Variants in FRMD4A observed in about 807,000 individuals in gnomAD.
The protein encoded by FRMD4A is FERM domain-containing protein 4A.
A neutral mutation model predicts 129.1 loss-of-function variants in FRMD4A; 29 were observed. The ratio of observed to expected loss-of-function variants is 0.22; its 90% CI spans 0.17 to 0.31. The LOEUF (loss-of-function observed/expected upper bound fraction) is 0.31. Ranked by LOEUF, FRMD4A falls within the 10% of genes least tolerant of loss-of-function variation. The probability of loss-of-function intolerance (pLI) is 1.00; values close to 1 mark genes in which losing one functional copy is unlikely to be tolerated. For synonymous variants in FRMD4A, 634 were observed against 571.6 expected (o/e 1.11, Z -1.56); for missense variants, 1,272 against 1,375.8 (o/e 0.92, Z 1.19).
intron 15 of FRMD4A, among the ~76,000 whole-genome samples, chr10:13,689,545 G>A (rs1002000676): frequency 1.2e-4 from 14 of 116,490 alleles, no homozygotes; most frequent in African/African-American, 4.9e-4. Context: ...TAGATTAGAA[G>A]ATTCTTTTTT....
intron 2 of FRMD4A, among the ~76,000 whole-genome samples, chr10:14,196,595 T>C (rs1842478770): frequency 6.6e-6 from 1 of 152,260 alleles, no homozygotes; most frequent in Non-Finnish European, 1.5e-5. Context: ...ACTTTCTACA[T>C]AATTCCTAGA....
At chr10:14,073,839 C>T (rs939644163) in intron 2 of FRMD4A, among the ~76,000 whole-genome samples, 29 of 152,052 alleles carry the variant, frequency 1.9e-4, no homozygotes, top group African/African-American at 2.7e-4. Context: ...TTGCATAGGG[C>T]GGTGGCTCAT....
intron 14 of FRMD4A, 65 bp from the exon 15 acceptor site, chr10:13,694,104 TCGCCCG>T: frequency 7.3e-7 from 1 of 1,371,110 alleles, no homozygotes; most frequent in South Asian, 1.5e-5. Context: ...CAGTCATCCC[TCGCCCG>T]CGCCTGCTCA....
intron 2 of FRMD4A, among the ~76,000 whole-genome samples, chr10:14,025,527 T>C (rs1832949988): frequency 6.6e-6 from 1 of 152,214 alleles, no homozygotes; most frequent in South Asian, 2.1e-4. Flanking sequence ...GTGTTTCTTA[T>C]TTAAGGCAGT....
chr10:14,150,959 C>T (rs1213221643), intron 2 of FRMD4A, among the ~76,000 whole-genome samples: 2 of 152,174 alleles, frequency 1.3e-5, no homozygotes, highest in African/African-American at 4.8e-5. Flanking sequence ...AGTTTAGCAT[C>T]ATATCTAATA....
At chr10:14,274,955 C>T (rs768821185) in intron 2 of FRMD4A, among the ~76,000 whole-genome samples, 12 of 152,184 alleles carry the variant, frequency 7.9e-5, no homozygotes, top group African/African-American at 1.2e-4. Flanking sequence ...AGTCTTCACA[C>T]GGAAATTTCA....
At chr10:13,979,757 T>A (rs1226121143) in intron 2 of FRMD4A, among the ~76,000 whole-genome samples, 1 of 152,118 alleles carries the variant, frequency 6.6e-6, no homozygotes, top group Admixed American at 6.6e-5. Flanking sequence ...TTTTAAAAAA[T>A]CTCTAGCGTC....
intron 2 of FRMD4A, among the ~76,000 whole-genome samples, chr10:14,165,957 T>C (rs1275774849): frequency 2.0e-5 from 3 of 152,132 alleles, no homozygotes; most frequent in African/African-American, 7.2e-5. Context: ...CTTAGCATCA[T>C]GCAATCTAGC....
intron 2 of FRMD4A, among the ~76,000 whole-genome samples, chr10:14,209,622 G>A (rs1199346407): frequency 6.6e-6 from 1 of 151,872 alleles, no homozygotes; most frequent in Non-Finnish European, 1.5e-5. Context: ...TCGGGAGGCT[G>A]AGGCAGGAGA....
chr10:13,782,830 T>A (rs1207715421), intron 6 of FRMD4A, 92 bp downstream of exon 6: 2 of 743,390 alleles, frequency 2.7e-6, no homozygotes, highest in South Asian at 2.9e-5. Context: ...TCCTAATCAA[T>A]AAAATGGCCT....
intron 2 of FRMD4A, among the ~76,000 whole-genome samples, chr10:14,239,646 A>AC (rs1001474750): frequency 8.2e-5 from 10 of 121,398 alleles, no homozygotes; most frequent in African/African-American, 2.8e-4. Context: ...CAAACAAACA[A>AC]ACAAACAAAA....
At chr10:13,966,210 A>G (rs528515013) in intron 2 of FRMD4A, among the ~76,000 whole-genome samples, 14 of 152,198 alleles carry the variant, frequency 9.2e-5, no homozygotes, top group African/African-American at 3.1e-4. Flanking sequence ...TTTAGTAGAG[A>G]CAGGGTTTCA....
At chr10:14,210,499 T>C (rs76744752) in intron 2 of FRMD4A, among the ~76,000 whole-genome samples, 2,443 of 152,202 alleles carry the variant, frequency 0.016, 81 homozygotes, top group East Asian at 0.15. Flanking sequence ...CCTGAACACA[T>C]ACCCTGCAAT....
intron 2 of FRMD4A, among the ~76,000 whole-genome samples, chr10:14,084,169 C>T (rs538522639): frequency 2.0e-5 from 3 of 152,300 alleles, no homozygotes; most frequent in Middle Eastern, 3.4e-3. Context: ...TTCCTCTAGA[C>T]AGAGTCTTGA....
chr10:13,740,673 A>C (rs1235684308), intron 9 of FRMD4A, 96 bp from the exon 10 acceptor site: 1 of 702,384 alleles, frequency 1.4e-6, no homozygotes, highest in African/African-American at 1.8e-5. Context: ...TCTCATAAGA[A>C]GCTCCAAGGC....
At chr10:14,169,871 G>T (rs762546493) in intron 2 of FRMD4A, among the ~76,000 whole-genome samples, 21 of 152,120 alleles carry the variant, frequency 1.4e-4, no homozygotes, top group Non-Finnish European at 2.8e-4. Flanking sequence ...GCAAGTAATT[G>T]TCAAGCCTTC....
At position 14,048,882 on chromosome 10, in the gene FRMD4A, GAATAGAATAGAATAGAATAGAAAATAA is replaced by G. The variant is rs1565211108; in HGVS notation, c.46-189997_46-189971del. On this transcript the variant is annotated intron_variant, in intron 2 of 24. Transcript: ENST00000357447. Reference sequence around the variant, plus strand: ...GAATAGAATAGAATAGAATAGAATAGAATAGAATAGAATAGAATAGAAAATAAAATGAAATATGGTGGGAGTAGGATG... The same window carrying G: ...GAATAGAATAGAATAGAATAGAATAGAATGAAATATGGTGGGAGTAGGATG... Among the ~76,000 whole-genome samples, 111 of 112,770 alleles carry G rather than the reference GAATAGAATAGAATAGAATAGAAAATAA, an allele frequency of 9.8e-4. 1 individual carries two copies. The highest frequency in any genetic ancestry group is 4.3e-3 in the Middle Eastern group (1 of 232). The allele number at this position is 112,770 out of a possible 152,430, so 74.0% of individuals were successfully genotyped here. A position where few individuals can be genotyped will look rare whatever the true frequency, so the allele number is the denominator to read the frequency against.
chr10:14,123,992 A>T (rs1053197790), intron 2 of FRMD4A, among the ~76,000 whole-genome samples: 2 of 152,160 alleles, frequency 1.3e-5, no homozygotes, highest in Admixed American at 6.5e-5. Context: ...ATTCCGTAAA[A>T]TGCCACAGAG....
chr10:14,323,064 A>G (rs1274122622), intron 2 of FRMD4A, among the ~76,000 whole-genome samples: 1 of 152,236 alleles, frequency 6.6e-6, no homozygotes, highest in Non-Finnish European at 1.5e-5. Flanking sequence ...AAATTTGCTC[A>G]TAACTAGAAT....
Sources: allele counts gnomAD v4.1 joint callset (sites outside exome capture counted in the v4.1 genomes callset), GRCh38; gene constraint gnomAD v4.1.1; transcripts MANE v1.5; gene names NCBI Gene and HGNC (gene_info 2026-07-23, HGNC 2026-07-21).